TEX11: variants seen among roughly 807,000 people sequenced by gnomAD.
TEX11 encodes testis expressed 11, also known as testis-expressed protein 11.
TEX11 carries 7 observed loss-of-function variants against 84.4 expected under a neutral mutation model. The observed-to-expected ratio is 0.08, with a 90% CI of 0.05 to 0.16. TEX11 has a LOEUF of 0.16. Among genes scored for constraint, TEX11 ranks in the 10% least tolerant of loss-of-function variants. The pLI is 1.00. For missense variants in TEX11, 551 were observed against 660.5 expected, an observed-to-expected ratio of 0.83 and a Z score of 1.82; for synonymous variants, 264 against 222.8, an observed-to-expected ratio of 1.18 and a Z score of -1.64.
chrX:70,760,460 C>G (rs1459652835), intron 9 of TEX11, among the ~76,000 whole-genome samples: 3 of 111,509 alleles, frequency 2.7e-5, no homozygotes, highest in African/African-American at 9.8e-5. Context: ...CACCACACAT[C>G]TACAACCATC....
At chrX:70,531,975 C>A (rs545429234) in intron 28 of TEX11, among the ~76,000 whole-genome samples, 1 of 111,443 alleles carries the variant, frequency 9.0e-6, no homozygotes, top group African/African-American at 3.3e-5. Context: ...GAGGAGTTAA[C>A]GGGAAATAAG....
intron 13 of TEX11, among the ~76,000 whole-genome samples, chrX:70,692,070 A>G (rs1052400030): frequency 1.3e-4 from 14 of 111,832 alleles, no homozygotes; most frequent in African/African-American, 4.2e-4. Flanking sequence ...CCATGAAACC[A>G]TTAATCAAAA....
rs189928133 is a variant in TEX11, at chrX:70,619,282, G to T, written c.1751+4668C>A. Among the ~76,000 whole-genome samples, 18 of 111,380 alleles carry T rather than the reference G, an allele frequency of 1.6e-4. No individual in the cohort carries two copies. In the East Asian group the frequency reaches 5.1e-3, roughly 31 times the overall value. On this transcript the variant is annotated intron_variant, in intron 20 of 29. Transcript: ENST00000374333. ...TTCCTAAGGGCCTCTTGGGGGCAGG[G>T]TGTGTCTTTACCCTATCTAGCAAAA...
chrX:70,685,036 G>A (rs1475379896), intron 13 of TEX11, among the ~76,000 whole-genome samples: 2 of 111,720 alleles, frequency 1.8e-5, no homozygotes, highest in African/African-American at 6.5e-5. Flanking sequence ...TTTGACAAAG[G>A]TGCCCAAAAT....
chrX:70,809,881 T>A (rs763234486), intron 8 of TEX11, among the ~76,000 whole-genome samples: 1 of 111,577 alleles, frequency 9.0e-6, no homozygotes, highest in Admixed American at 9.6e-5. Flanking sequence ...TAGGTACTGG[T>A]GATTTTGTAA....
In TEX11 at chrX:70,633,918, G is replaced by A. The variant is rs182094753; in HGVS notation, c.1484-4183C>T. Among the ~76,000 whole-genome samples the A allele has an allele frequency of 2.0e-3, 223 of 111,305 alleles. 3 individuals are homozygous for A. Among genetic ancestry groups the A allele is most frequent in the Non-Finnish European group, 3.4e-3 (183 of 53,053 alleles). ...AGGTGACAGAACAGGTCTCGAAACA[G>A]AACAGGTCTCATAAACAAACAAACA... On this transcript the variant is annotated intron_variant, in intron 17 of 29. Transcript: ENST00000374333.
At chrX:70,678,261 C>T (rs2090091521) in intron 15 of TEX11, among the ~76,000 whole-genome samples, 1 of 110,379 alleles carries the variant, frequency 9.1e-6, no homozygotes, top group Admixed American at 9.7e-5. Context: ...ATAAAACAGT[C>T]CCTGTTACTA....
chrX:70,585,447 C>T lies in TEX11; in HGVS notation c.2140+6304G>A, dbSNP rs768321428. Among the ~76,000 whole-genome samples, 190 of 111,820 alleles carry T rather than the reference C, an allele frequency of 1.7e-3. 1 individual carries two copies. Among genetic ancestry groups the T allele is most frequent in the African/African-American group, 5.5e-3 (170 of 30,825 alleles). ...TGTCAACATTTCAAAACTTATATCACGCTAAGCGATCCCTATCAAAATTCC... is the reference window on the plus strand; with the variant it reads ...TGTCAACATTTCAAAACTTATATCATGCTAAGCGATCCCTATCAAAATTCC... On this transcript the variant is annotated intron_variant, in intron 25 of 29. Transcript: ENST00000374333.
At chrX:70,535,789 T>C (rs1314111120) in intron 28 of TEX11, among the ~76,000 whole-genome samples, 1 of 108,386 alleles carries the variant, frequency 9.2e-6, no homozygotes, top group Non-Finnish European at 1.9e-5. Context: ...TTTTTTTTCA[T>C]AGAGACAGAG....
intron 24 of TEX11, among the ~76,000 whole-genome samples, chrX:70,602,792 T>C (rs1192711917): frequency 1.1e-5 from 1 of 93,463 alleles, no homozygotes; most frequent in African/African-American, 3.9e-5. Flanking sequence ...TGATTGTATA[T>C]CTAGAAAACC....
Position 70,818,038 on chromosome X carries a change from C to T in TEX11, c.607-11248G>A, listed in dbSNP as rs201405172. 1.1e-4 allele frequency among the ~76,000 whole-genome samples: 12 copies of T among 111,468 alleles called. No individual in the cohort carries two copies. The East Asian group carries it at 3.4e-3, about 32-fold the overall frequency. On this transcript the variant is annotated intron_variant, in intron 8 of 29. Coordinates refer to ENST00000374333, the MANE Select transcript of TEX11 (RefSeq NM_031276.3). ...CAGAGAGCTCCAGAGCCTGTAATCC[C>T]AGCACTTTGGAAGGCCGAGGTGGGC...
chrX:70,661,999 C>T (rs1455621788), intron 16 of TEX11, among the ~76,000 whole-genome samples: 1 of 112,166 alleles, frequency 8.9e-6, no homozygotes, highest in Non-Finnish European at 1.9e-5. Context: ...TCATCAGCAA[C>T]GGAACAAAGC....
intron 28 of TEX11, among the ~76,000 whole-genome samples, chrX:70,551,696 C>T (rs2088216684): frequency 9.0e-6 from 1 of 111,118 alleles, no homozygotes; most frequent in African/African-American, 3.3e-5. Context: ...CTGAATAAAC[C>T]TGCACAGAAA....
chrX:70,824,332 G>A (rs1467549203), intron 8 of TEX11, among the ~76,000 whole-genome samples: 2 of 112,134 alleles, frequency 1.8e-5, no homozygotes, highest in Non-Finnish European at 3.8e-5. Context: ...CTTCTGGCTT[G>A]AATTGCTCAG....
intron 9 of TEX11, among the ~76,000 whole-genome samples, chrX:70,776,548 C>T (rs776570653): frequency 1.7e-4 from 18 of 104,201 alleles, no homozygotes; most frequent in South Asian, 4.4e-4. Flanking sequence ...GGGCAACCAG[C>T]GTGAGACCCT....
At chrX:70,536,539 G>A (rs975796454) in intron 28 of TEX11, among the ~76,000 whole-genome samples, 1 of 96,259 alleles carries the variant, frequency 1.0e-5, no homozygotes, top group African/African-American at 5.4e-5. Context: ...AAATAAGGAC[G>A]TAACTTTGCT....
At chrX:70,639,383 G>A (rs1229785883) in intron 17 of TEX11, among the ~76,000 whole-genome samples, 1 of 112,116 alleles carries the variant, frequency 8.9e-6, no homozygotes, top group Non-Finnish European at 1.9e-5. Flanking sequence ...GGTAAACAAA[G>A]CAGCCGGGAA....
At chrX:70,841,373 A>C (rs1279103727) in intron 7 of TEX11, among the ~76,000 whole-genome samples, 3 of 111,582 alleles carry the variant, frequency 2.7e-5, no homozygotes, top group Non-Finnish European at 3.8e-5. Flanking sequence ...CCTGCTCCTG[A>C]ATGACTACTC....
At chrX:70,886,922 A>G (rs1220704483) in intron 2 of TEX11, among the ~76,000 whole-genome samples, 1 of 111,895 alleles carries the variant, frequency 8.9e-6, no homozygotes, top group Non-Finnish European at 1.9e-5. Context: ...AAACCTATCT[A>G]GTCACATTCA....
Sources: gnomAD v4.1 joint callset for allele counts (sites outside exome capture counted in the v4.1 genomes callset) on GRCh38, gnomAD v4.1.1 for gene constraint, MANE v1.5 for transcripts, NCBI Gene and HGNC (gene_info 2026-07-23, HGNC 2026-07-21) for gene names.